The following ANXA1 variants were observed in gnomAD, a reference collection of about 807,000 sequenced individuals.
The protein encoded by ANXA1 is annexin I (lipocortin I).
Under a neutral mutation model 47.9 loss-of-function variants are expected in ANXA1, and 39 were observed. That is an observed-to-expected ratio of 0.81 (90% confidence interval 0.63 to 1.06). The LOEUF is 1.06. Ranked by LOEUF, ANXA1 falls within the 50% of genes least tolerant of loss-of-function variation. The pLI, the probability that ANXA1 is intolerant of heterozygous loss-of-function variation, is 0.00. For missense variants in ANXA1, 446 were observed against 422.7 expected (o/e 1.06, Z -0.48); for synonymous variants, 146 against 142.5 (o/e 1.02, Z -0.17).
chr9:73,161,157 A>G (rs1033254430), intron 6 of ANXA1, among the ~76,000 whole-genome samples: 1 of 152,164 alleles, frequency 6.6e-6, no homozygotes, highest in African/African-American at 2.4e-5. Context: ...AAATGGCCAC[A>G]TACGATTATA....
At chr9:73,154,521 C>T (rs1372331790) in intron 1 of ANXA1, among the ~76,000 whole-genome samples, 4 of 152,084 alleles carry the variant, frequency 2.6e-5, no homozygotes, top group Non-Finnish European at 4.4e-5. Flanking sequence ...CTGCAGCCTC[C>T]GCCTCTTCCT....
chr9:73,159,302 T>C, intron 3 of ANXA1, 27 bp from the exon 4 acceptor site: 3 of 1,587,664 alleles, frequency 1.9e-6, no homozygotes, highest in Non-Finnish European at 2.6e-6. Context: ...AAATTGGTGT[T>C]AAAGGCTGTT....
chr9:73,162,868 C>T lies in ANXA1; in HGVS notation c.555+7C>T, dbSNP rs1158448107. Reference sequence around the variant, plus strand: ...TTTGCTTTCTCTTGCTAAGGTACAACTCAGATACTTTAGGAAATGCCTCTT... The same window carrying T: ...TTTGCTTTCTCTTGCTAAGGTACAATTCAGATACTTTAGGAAATGCCTCTT... On this transcript the variant is annotated splice_region_variant and intron_variant, in intron 7 of 12. Coordinates refer to ENST00000257497, the MANE Select transcript of ANXA1 (RefSeq NM_000700.3). The T allele has an allele frequency of 1.8e-5, 29 of 1,604,324 alleles. No individual in the cohort carries two copies. Among genetic ancestry groups the T allele is most frequent in the Non-Finnish European group, 2.3e-5 (27 of 1,172,012 alleles).
chr9:73,166,711 A>G (rs1266837086), intron 10 of ANXA1, among the ~76,000 whole-genome samples: 1 of 152,148 alleles, frequency 6.6e-6, no homozygotes, highest in African/African-American at 2.4e-5. Context: ...AGTGTTTCTC[A>G]TTCATGACTA....
At chr9:73,162,741 A>C (rs1365867971) in intron 6 of ANXA1, 41 bp from the exon 7 acceptor site, 8 of 1,456,040 alleles carry the variant, frequency 5.5e-6, no homozygotes, top group African/African-American at 1.4e-5. Context: ...ATTATTATTC[A>C]TCACTGGTTT....
Position 73,153,418 on chromosome 9 carries a change from C to T in ANXA1, c.-15+1494C>T, listed in dbSNP as rs111245412. ...CCTTTAAAATTGGACAGAATTTCATCAGGAAGCTCAGAACAATCCAATTTA... is the reference window on the plus strand; with the variant it reads ...CCTTTAAAATTGGACAGAATTTCATTAGGAAGCTCAGAACAATCCAATTTA... On this transcript the variant is annotated intron_variant, in intron 1 of 12. Transcript: ENST00000257497. Among the ~76,000 whole-genome samples, 320 of 152,280 alleles carry T rather than the reference C, an allele frequency of 2.1e-3. 1 individual carries two copies. Among genetic ancestry groups the T allele is most frequent in the African/African-American group, 7.3e-3 (305 of 41,550 alleles).
At chr9:73,156,378 T>G (rs2118137153) in intron 1 of ANXA1, among the ~76,000 whole-genome samples, 1 of 152,168 alleles carries the variant, frequency 6.6e-6, no homozygotes, top group South Asian at 2.1e-4. Context: ...TGAAACTCCA[T>G]GTGGCAACCG....
chr9:73,169,921 TTTAA>T (rs1269881297), intron 12 of ANXA1, 126 bp from the exon 13 acceptor site: 3 of 531,358 alleles, frequency 5.6e-6, no homozygotes, highest in Non-Finnish European at 9.6e-6. Flanking sequence ...GTATATATTG[TTTAA>T]TTAAGTGAAT....
chr9:73,165,950 G>T (rs964312396), intron 9 of ANXA1, 147 bp from the exon 10 acceptor site: 3 of 575,786 alleles, frequency 5.2e-6, no homozygotes, highest in Non-Finnish European at 9.2e-6. Flanking sequence ...AAGTATTCAC[G>T]TTATGATTAA....
intron 11 of ANXA1, 81 bp from the exon 12 acceptor site, chr9:73,168,951 G>T: frequency 1.5e-6 from 2 of 1,377,456 alleles, no homozygotes; most frequent in East Asian, 2.4e-5. Context: ...GGAAGAGTAA[G>T]AAGGCTTCAC....
chr9:73,165,341 T>C (rs2118167795), intron 9 of ANXA1, 132 bp downstream of exon 9: 1 of 611,408 alleles, frequency 1.6e-6, no homozygotes, highest in Non-Finnish European at 2.8e-6. Flanking sequence ...ACAGTGTTCC[T>C]GACCCATTGT....
intron 11 of ANXA1, chr9:73,168,234 T>A (rs567803439): frequency 6.6e-6 from 1 of 152,224 alleles, no homozygotes; most frequent in African/African-American, 2.4e-5. Context: ...TATGAATAAT[T>A]TGAATAATAT....
rs200105739 is a variant in ANXA1, at chr9:73,158,808, C to T, written c.175+5C>T. On this transcript the variant is annotated splice_donor_5th_base_variant and intron_variant, in intron 3 of 12. Coordinates refer to ENST00000257497, the MANE Select transcript of ANXA1 (RefSeq NM_000700.3). Reference sequence around the variant, plus strand: ...ATAAGGCCATAATGGTTAAAGGTAACGTGTTTCCTCAAAACAGTTCCCTCC... The same window carrying T: ...ATAAGGCCATAATGGTTAAAGGTAATGTGTTTCCTCAAAACAGTTCCCTCC... The T allele has an allele frequency of 2.1e-4, 338 of 1,610,480 alleles. 1 individual carries two copies. Among genetic ancestry groups the T allele is most frequent in the Admixed American group, 1.4e-3 (81 of 59,906 alleles).
intron 1 of ANXA1, among the ~76,000 whole-genome samples, chr9:73,156,122 A>AC (rs1044219718): frequency 0.046 from 1,349 of 29,340 alleles, 27 homozygotes; most frequent in African/African-American, 0.12. Flanking sequence ...TAATAATAAT[A>AC]ATAAATAAAT....
chr9:73,160,192 A>T (rs1184091643), intron 4 of ANXA1, 71 bp from the exon 5 acceptor site: 1 of 1,067,116 alleles, frequency 9.4e-7, no homozygotes, highest in Admixed American at 2.6e-5. Flanking sequence ...ACCTAAAGTC[A>T]GGTAATATCA....
At position 73,165,170 on chromosome 9, in the gene ANXA1, AC is replaced by A. The variant is rs767474054; in HGVS notation, c.669del (p.Ile224SerfsTer25). ...GGGGACAGACGTAAACGTGTTCAAT[AC>A]CATCCTTACCACCAGAAGCTATCCA... Reference protein sequence around the residue: ...RKGTDVNVFNTILTTRSYPQL... With the variant: ...RKGTDVNVFNXILTTRSYPQL... On this transcript the variant is annotated frameshift_variant, in exon 9 of 13. Transcript: ENST00000257497. LOFTEE classifies it high-confidence loss of function. 6.2e-7 allele frequency: 1 copy of A among 1,612,840 alleles called. No homozygotes were observed. The highest frequency in any genetic ancestry group is 8.5e-7 in the Non-Finnish European group (1 of 1,179,122).
intron 4 of ANXA1, 96 bp from the exon 5 acceptor site, chr9:73,160,167 A>G: frequency 1.4e-6 from 1 of 736,612 alleles, no homozygotes; most frequent in Non-Finnish European, 2.2e-6. Context: ...GGGTTTAGGG[A>G]TGAGTTGTAC....
intron 6 of ANXA1, among the ~76,000 whole-genome samples, chr9:73,161,765 GTAA>G (rs1312027697): frequency 6.6e-6 from 1 of 151,982 alleles, no homozygotes; most frequent in East Asian, 1.9e-4. Flanking sequence ...TGTGTCAGTG[GTAA>G]TAATGATGAT....
chr9:73,167,417 C>T, intron 10 of ANXA1, 80 bp from the exon 11 acceptor site: 1 of 1,369,120 alleles, frequency 7.3e-7, no homozygotes, highest in Non-Finnish European at 1.0e-6. Context: ...TGGCAAAATT[C>T]TATATTTCCT....
Sources: gnomAD v4.1 joint callset for allele counts (sites outside exome capture counted in the v4.1 genomes callset) on GRCh38, gnomAD v4.1.1 for gene constraint, MANE v1.5 for transcripts, NCBI Gene and HGNC (gene_info 2026-07-23, HGNC 2026-07-21) for gene names.